The following TMTC2 variants were observed in gnomAD, a reference collection of about 807,000 sequenced individuals.
The protein encoded by TMTC2 is transmembrane O-mannosyltransferase targeting cadherins 2.
In TMTC2, 43 loss-of-function variants were observed where a neutral mutation model predicts 82.4. The observed-to-expected ratio is 0.52, with a 90% CI of 0.41 to 0.67. The LOEUF (loss-of-function observed/expected upper bound fraction) is 0.67, where lower values mean the gene tolerates loss of function less well. TMTC2 is among the 30% of genes least tolerant of loss of function. The pLI, the probability that TMTC2 is intolerant of heterozygous loss-of-function variation, is 0.00. For missense variants in TMTC2, 919 were observed against 1,012.4 expected (o/e 0.91, Z 1.25); for synonymous variants, 408 against 381.9 (o/e 1.07, Z -0.80).
Position 82,696,252 on chromosome 12 carries a change from C to A in TMTC2, c.83+8583C>A, listed in dbSNP as rs190847663. ...TTTAGAGGGAGGCAATTATTTATAG[C>A]TGATAGGAAAAACTGGTATACCTGA... On this transcript the variant is annotated intron_variant, in intron 1 of 11. Coordinates refer to ENST00000321196, the MANE Select transcript of TMTC2 (RefSeq NM_152588.3). Among the ~76,000 whole-genome samples, 350 of 152,116 alleles carry A rather than the reference C, an allele frequency of 2.3e-3. 2 individuals are homozygous for A. The highest frequency in any genetic ancestry group is 8.0e-3 in the African/African-American group (334 of 41,498).
intron 1 of TMTC2, among the ~76,000 whole-genome samples, chr12:82,717,196 T>C (rs1047563584): frequency 4.6e-5 from 7 of 151,996 alleles, no homozygotes; most frequent in Admixed American, 4.6e-4. Flanking sequence ...GTTTGCTGAT[T>C]TTACTTTACA....
At chr12:82,771,890 C>T (rs1305940621) in intron 1 of TMTC2, among the ~76,000 whole-genome samples, 2 of 152,038 alleles carry the variant, frequency 1.3e-5, no homozygotes, top group African/African-American at 2.4e-5. Flanking sequence ...GTGAGGGAGA[C>T]AGGTGCCATT....
At chr12:82,938,938 GT>G (rs1351986192) in intron 4 of TMTC2, among the ~76,000 whole-genome samples, 8 of 152,084 alleles carry the variant, frequency 5.3e-5, no homozygotes, top group African/African-American at 1.9e-4. Flanking sequence ...ACACTTTTAA[GT>G]TTTTTCCCCT....
chr12:82,740,052 A>G (rs966293299), intron 1 of TMTC2, among the ~76,000 whole-genome samples: 1 of 152,180 alleles, frequency 6.6e-6, no homozygotes, highest in Admixed American at 6.5e-5. Context: ...TGCAAATTTA[A>G]ATTGCACTTC....
intron 1 of TMTC2, among the ~76,000 whole-genome samples, chr12:82,802,258 G>A (rs1448361047): frequency 8.5e-5 from 13 of 152,172 alleles, no homozygotes; most frequent in Admixed American, 7.2e-4. Flanking sequence ...AGGGCCCGCC[G>A]GCAGCTCTGA....
intron 2 of TMTC2, among the ~76,000 whole-genome samples, chr12:82,862,393 A>G (rs1017873258): frequency 3.3e-5 from 5 of 152,228 alleles, no homozygotes; most frequent in African/African-American, 1.2e-4. Flanking sequence ...TATTAGCCTC[A>G]TAACCACTTA....
chr12:82,998,411 G>T (rs560585485), intron 8 of TMTC2, among the ~76,000 whole-genome samples: 1 of 152,162 alleles, frequency 6.6e-6, no homozygotes, highest in East Asian at 1.9e-4. Flanking sequence ...ATGTTTTAAT[G>T]CATTTAAGGA....
At chr12:82,906,988 CTGGCAA>C (rs1413808075) in intron 3 of TMTC2, among the ~76,000 whole-genome samples, 1 of 152,142 alleles carries the variant, frequency 6.6e-6, no homozygotes, top group Non-Finnish European at 1.5e-5. Flanking sequence ...AACAACAGGG[CTGGCAA>C]GAATAAAAGG....
chr12:82,713,577 G>C (rs946742662), intron 1 of TMTC2, among the ~76,000 whole-genome samples: 5 of 152,154 alleles, frequency 3.3e-5, no homozygotes, highest in African/African-American at 1.2e-4. Flanking sequence ...TGTGCAGGGA[G>C]ACCCCTGTTT....
At chr12:83,042,885 G>A (rs1458996680) in intron 9 of TMTC2, among the ~76,000 whole-genome samples, 1 of 152,098 alleles carries the variant, frequency 6.6e-6, no homozygotes, top group Admixed American at 6.6e-5. Context: ...GTTCACTTAG[G>A]AACAAATCCA....
intron 8 of TMTC2, among the ~76,000 whole-genome samples, chr12:82,996,415 T>C (rs891769769): frequency 3.3e-5 from 5 of 152,210 alleles, no homozygotes; most frequent in Admixed American, 3.3e-4. Context: ...GCCTAGTAAT[T>C]GATTTCTTCT....
chr12:82,970,783 C>T (rs1232611796), intron 7 of TMTC2, among the ~76,000 whole-genome samples: 1 of 152,142 alleles, frequency 6.6e-6, no homozygotes, highest in Non-Finnish European at 1.5e-5. Flanking sequence ...CTGTTTAGTT[C>T]TATCCTATTT....
chr12:83,001,875 A>T (rs1459932517), intron 8 of TMTC2, among the ~76,000 whole-genome samples: 2 of 152,150 alleles, frequency 1.3e-5, no homozygotes, highest in African/African-American at 4.8e-5. Flanking sequence ...AACAAAGTTG[A>T]TAGATCGTAG....
At chr12:82,698,545 C>T (rs1043429381) in intron 1 of TMTC2, among the ~76,000 whole-genome samples, 19 of 152,066 alleles carry the variant, frequency 1.2e-4, no homozygotes, top group African/African-American at 3.9e-4. Flanking sequence ...CAGCTGTCCC[C>T]GCTTATCCTT....
intron 2 of TMTC2, among the ~76,000 whole-genome samples, chr12:82,873,891 C>T (rs2137141450): frequency 6.6e-6 from 1 of 152,200 alleles, no homozygotes; most frequent in South Asian, 2.1e-4. Context: ...TTTTTTATCC[C>T]TTTAAATAAA....
intron 8 of TMTC2, among the ~76,000 whole-genome samples, chr12:83,004,210 C>T (rs1490557532): frequency 1.3e-5 from 2 of 152,124 alleles, no homozygotes; most frequent in Admixed American, 6.5e-5. Context: ...TTTTCACTTC[C>T]AGAACTTTTC....
intron 11 of TMTC2, among the ~76,000 whole-genome samples, chr12:83,114,501 T>C (rs79018499): frequency 0.036 from 5,519 of 152,288 alleles, 165 homozygotes; most frequent in Non-Finnish European, 0.054. Flanking sequence ...CTTTAGAATA[T>C]GTATGCCTAA....
intron 1 of TMTC2, among the ~76,000 whole-genome samples, chr12:82,730,556 T>C (rs1158454082): frequency 6.6e-6 from 1 of 152,236 alleles, no homozygotes; most frequent in African/African-American, 2.4e-5. Context: ...TTGTGACTAC[T>C]GAGCATTCTC....
intron 11 of TMTC2, among the ~76,000 whole-genome samples, chr12:83,094,253 G>C (rs2137523735): frequency 6.6e-6 from 1 of 152,346 alleles, no homozygotes; most frequent in Admixed American, 6.5e-5. Context: ...TGTCCTAGGA[G>C]AGGAGAATTG....
Sources: allele counts gnomAD v4.1 joint callset (sites outside exome capture counted in the v4.1 genomes callset), GRCh38; gene constraint gnomAD v4.1.1; transcripts MANE v1.5; gene names NCBI Gene and HGNC (gene_info 2026-07-23, HGNC 2026-07-21).